The following ZMIZ1 variants were observed in gnomAD, a reference collection of about 807,000 sequenced individuals.
ZMIZ1 encodes zinc finger MIZ-type containing 1, also known as zinc finger MIZ domain-containing protein 1.
In ZMIZ1, 17 loss-of-function variants were observed where a neutral mutation model predicts 113.9. The observed-to-expected ratio is 0.15, with a 90% CI of 0.10 to 0.22. The LOEUF (loss-of-function observed/expected upper bound fraction) is 0.22, where lower values mean the gene tolerates loss of function less well. ZMIZ1 is among the 10% of genes least tolerant of loss of function. ZMIZ1 has a pLI of 1.00. For synonymous variants in ZMIZ1, 607 were observed against 603.1 expected (o/e 1.01, Z -0.09); for missense variants, 1,059 against 1,477.8 (o/e 0.72, Z 4.65).
chr10:79,087,561 G>A (rs773622918), intron 1 of ZMIZ1, among the ~76,000 whole-genome samples: 2 of 152,170 alleles, frequency 1.3e-5, no homozygotes, highest in African/African-American at 2.4e-5. Context: ...TCTACCTCCA[G>A]CTTCCCCTTT....
chr10:79,156,910 A>G (rs984836570), intron 3 of ZMIZ1, among the ~76,000 whole-genome samples: 6 of 152,244 alleles, frequency 3.9e-5, no homozygotes, highest in Non-Finnish European at 8.8e-5. Flanking sequence ...GAGGACTACC[A>G]GGTCCCTGTC....
rs374520278 is a variant in ZMIZ1, at chr10:79,309,097, G to T, written c.2835+1526G>T. ...AAACTTCTACCACACCTGCCCAGGT[G>T]GAGGCAGCCACACCCCCAGCTGAGC... On this transcript the variant is annotated intron_variant, in intron 23 of 24. Transcript: ENST00000334512. 5.1e-4 allele frequency among the ~76,000 whole-genome samples: 78 copies of T among 152,294 alleles called. 2 individuals are homozygous for T. The South Asian group carries it at 0.014, about 27-fold the overall frequency.
chr10:79,221,629 C>G (rs1007851969), intron 7 of ZMIZ1, among the ~76,000 whole-genome samples: 1 of 152,182 alleles, frequency 6.6e-6, no homozygotes, highest in African/African-American at 2.4e-5. Flanking sequence ...CAGTCCCACG[C>G]CTGCTGGCAA....
intron 1 of ZMIZ1, among the ~76,000 whole-genome samples, chr10:79,113,386 C>T (rs760328841): frequency 7.9e-5 from 12 of 152,212 alleles, no homozygotes; most frequent in Non-Finnish European, 1.5e-4. Context: ...ATCTGCCATG[C>T]GGGGGTGGAG....
At chr10:79,172,965 G>A (rs1239898781) in intron 4 of ZMIZ1, among the ~76,000 whole-genome samples, 1 of 152,182 alleles carries the variant, frequency 6.6e-6, no homozygotes, top group Admixed American at 6.5e-5. Context: ...GTGACTGTGG[G>A]GCCAGCCAGG....
At chr10:79,297,425 G>A (rs893363517) in intron 13 of ZMIZ1, among the ~76,000 whole-genome samples, 188 bp from the exon 14 acceptor site, 10 of 152,168 alleles carry the variant, frequency 6.6e-5, no homozygotes, top group Admixed American at 4.6e-4. Context: ...TTAATAGCTA[G>A]GGACAGAGAG....
chr10:79,096,326 C>T (rs1331355018), intron 1 of ZMIZ1, among the ~76,000 whole-genome samples: 7 of 152,168 alleles, frequency 4.6e-5, no homozygotes, highest in African/African-American at 1.4e-4. Flanking sequence ...CTGGCTAACA[C>T]GGTGAAACCC....
rs142428784 is a variant in ZMIZ1, at chr10:79,134,003, T to C, written c.-226-5679T>C. ...ATTTGTTCTATGTAAAGATGGATGC[T>C]AATTTGCTGGTGATTAGCTGATTAT... is the stretch of plus-strand genomic sequence containing the variant. On this transcript the variant is annotated intron_variant, in intron 2 of 24. Coordinates refer to ENST00000334512, the MANE Select transcript of ZMIZ1 (RefSeq NM_020338.4). Among the ~76,000 whole-genome samples, 84 of 152,356 alleles carry C rather than the reference T, an allele frequency of 5.5e-4. 1 individual carries two copies. Among genetic ancestry groups the C allele is most frequent in the African/African-American group, 1.7e-3 (72 of 41,578 alleles).
intron 1 of ZMIZ1, among the ~76,000 whole-genome samples, chr10:79,115,159 G>A (rs1488171114): frequency 1.3e-5 from 2 of 152,146 alleles, no homozygotes; most frequent in Non-Finnish European, 2.9e-5. Flanking sequence ...CTGCTTGCAT[G>A]CCTCTGGGAA....
chr10:79,161,127 G>A (rs1282340693), intron 3 of ZMIZ1, among the ~76,000 whole-genome samples: 1 of 152,198 alleles, frequency 6.6e-6, no homozygotes, highest in Non-Finnish European at 1.5e-5. Context: ...ATGGTTGTGT[G>A]CCCACACTCC....
chr10:79,297,424 A>C (rs1245672557), intron 13 of ZMIZ1, among the ~76,000 whole-genome samples, 189 bp from the exon 14 acceptor site: 1 of 152,212 alleles, frequency 6.6e-6, no homozygotes, highest in East Asian at 1.9e-4. Context: ...ATTAATAGCT[A>C]GGGACAGAGA....
At position 79,311,079 on chromosome 10, in the gene ZMIZ1, T is replaced by C. The variant is rs771266248; in HGVS notation, c.2991T>C (p.Ala997=). The C allele has an allele frequency of 1.9e-6, 3 of 1,613,446 alleles. No homozygotes were observed. Among genetic ancestry groups the C allele is most frequent in the Non-Finnish European group, 2.5e-6 (3 of 1,180,000 alleles). Residue 997 remains alanine, a synonymous_variant, in exon 24 of 25, where the codon GCT becomes GCC. Transcript: ENST00000334512. The stretch of plus-strand genomic sequence containing the variant: ...CTCCCCGGCAGCCGCCACAGGCCGC[T>C]CCCAGCAGCCATCCACACAGCGACC... ...SQPPRQPPQA[A]PSSHPHSDLT...
chr10:79,304,322 T>A, intron 19 of ZMIZ1, 147 bp downstream of exon 19: 1 of 1,165,822 alleles, frequency 8.6e-7, no homozygotes, highest in South Asian at 1.6e-5. Flanking sequence ...CTCATTAATT[T>A]CCGCCATCAT....
At chr10:79,116,527 C>G (rs113938558) in intron 1 of ZMIZ1, among the ~76,000 whole-genome samples, 5,592 of 152,078 alleles carry the variant, frequency 0.037, 331 homozygotes, top group African/African-American at 0.12. Context: ...GGGCATCCTG[C>G]GGTGGAGGTG....
At chr10:79,255,162 A>G (rs1850806551) in intron 7 of ZMIZ1, among the ~76,000 whole-genome samples, 1 of 152,076 alleles carries the variant, frequency 6.6e-6, no homozygotes, top group African/African-American at 2.4e-5. Flanking sequence ...CTCATTCCCC[A>G]CAGCAGCCAC....
intron 1 of ZMIZ1, among the ~76,000 whole-genome samples, chr10:79,083,859 C>T (rs1842731737): frequency 6.6e-6 from 1 of 152,212 alleles, no homozygotes. Flanking sequence ...CTGAGCCCTT[C>T]TCCTTTTGTG....
At chr10:79,266,944 C>T (rs1415864275) in intron 7 of ZMIZ1, among the ~76,000 whole-genome samples, 1 of 152,220 alleles carries the variant, frequency 6.6e-6, no homozygotes, top group African/African-American at 2.4e-5. Flanking sequence ...CTAGTTCCTG[C>T]CCGTCTCCCA....
rs565272307 is a variant in ZMIZ1, at chr10:79,227,262, T to G, written c.280+10988T>G. 5.9e-5 allele frequency among the ~76,000 whole-genome samples: 9 copies of G among 152,342 alleles called. No individual in the cohort carries two copies. In the East Asian group the frequency reaches 1.7e-3, roughly 29 times the overall value. ...GCCTTAAGTGTTTGACAATGATTTG[T>G]CCTTGCTGGTAGGTTAAACACCCTC... is the stretch of plus-strand genomic sequence containing the variant. On this transcript the variant is annotated intron_variant, in intron 7 of 24. Transcript: ENST00000334512.
intron 6 of ZMIZ1, among the ~76,000 whole-genome samples, chr10:79,211,123 T>C (rs1258442814): frequency 6.6e-6 from 1 of 152,132 alleles, no homozygotes; most frequent in Non-Finnish European, 1.5e-5. Context: ...GTAGTGGGGA[T>C]TGTCATAAAC....
Sources: gnomAD v4.1 joint callset for allele counts (sites outside exome capture counted in the v4.1 genomes callset) on GRCh38, gnomAD v4.1.1 for gene constraint, MANE v1.5 for transcripts, NCBI Gene and HGNC (gene_info 2026-07-23, HGNC 2026-07-21) for gene names.